The following ZSCAN23 variants were observed in gnomAD, a reference collection of about 807,000 sequenced individuals.
The protein encoded by ZSCAN23 is zinc finger and SCAN domain-containing protein 23.
ZSCAN23 carries 19 observed loss-of-function variants against 19.3 expected under a neutral mutation model. The ratio of observed to expected loss-of-function variants is 0.99; its 90% confidence interval spans 0.69 to 1.45. The LOEUF is 1.45. Ranked by LOEUF, ZSCAN23 falls within the 40% of genes most tolerant of loss-of-function variation. The pLI, the probability that ZSCAN23 is intolerant of heterozygous loss-of-function variation, is 0.00. For synonymous variants in ZSCAN23, 140 were observed against 166.2 expected, an observed-to-expected ratio of 0.84 and a Z score of 1.21; for missense variants, 372 against 462.5, an observed-to-expected ratio of 0.80 and a Z score of 1.79.
At chr6:28,428,122 TC>T (rs1761693332), downstream of ZSCAN23, among the ~76,000 whole-genome samples, 1 of 152,178 alleles carries the variant, frequency 6.6e-6, no homozygotes, top group Admixed American at 6.5e-5. Context: ...CTTATTCTCA[TC>T]CCATATTTAT....
intron 1 of ZSCAN23, among the ~76,000 whole-genome samples, chr6:28,437,100 T>C (rs750840880): frequency 5.9e-5 from 9 of 152,244 alleles, no homozygotes; most frequent in African/African-American, 9.6e-5. Flanking sequence ...TCTTATGTTA[T>C]TGTATGATTA....
In ZSCAN23 at chr6:28,435,451, G is replaced by C. The variant is rs1353344635; in HGVS notation, c.556+9C>G. On this transcript the variant is annotated intron_variant, in intron 3 of 3. Transcript: ENST00000289788. ...GAGGTAGGCTGTCTGAGGAAATCCT[G>C]ATCCTCACCAATCTCTTGAACTGGG... The C allele has an allele frequency of 5.2e-6, 8 of 1,550,038 alleles. No homozygotes were observed. Among genetic ancestry groups the C allele is most frequent in the Non-Finnish European group, 7.0e-6 (8 of 1,146,460 alleles).
rs1404591941 is a variant in ZSCAN23, at chr6:28,433,601, G to A, written c.*864C>T. ...ATCTTGGTGGTAATCAATAGTAAAT[G>A]CTGAGAAAATGTGGAGGTTATAAAA... On this transcript the variant is annotated 3_prime_UTR_variant, in exon 4 of 4. Coordinates refer to ENST00000289788, the MANE Select transcript of ZSCAN23 (RefSeq NM_001012455.2). 1.8e-4 allele frequency: 1 copy of A among 5,652 alleles called. No homozygotes were observed. Among genetic ancestry groups the A allele is most frequent in the African/African-American group, 2.3e-3 (1 of 442 alleles). The allele number at this position is 5,652 out of a possible 1,614,324, so 0.4% of individuals were successfully genotyped here. A position where few individuals can be genotyped will look rare whatever the true frequency, so the allele number is the denominator to read the frequency against.
chr6:28,442,093 T>C (rs1243253410), intron 1 of ZSCAN23, among the ~76,000 whole-genome samples: 5 of 152,002 alleles, frequency 3.3e-5, no homozygotes, highest in Non-Finnish European at 7.4e-5. Flanking sequence ...GTCAGGCTGG[T>C]CTCGAACTCC....
the ZSCAN23 span, among the ~76,000 whole-genome samples, chr6:28,423,289 G>A: frequency 6.6e-6 from 1 of 152,180 alleles, no homozygotes; most frequent in Admixed American, 6.5e-5. Context: ...CCAATAACAT[G>A]TTAGCCATTT....
chr6:28,436,397 A>G (rs1057426495), intron 1 of ZSCAN23, 54 bp from the exon 2 acceptor site: 1 of 962,050 alleles, frequency 1.0e-6, no homozygotes, highest in African/African-American at 1.7e-5. Flanking sequence ...ACCTCAGGAC[A>G]AGGAGGGACT....
In ZSCAN23 at chr6:28,434,330, G is replaced by T; in HGVS notation, c.*135C>A. 1 of 1,026,576 alleles carries T rather than the reference G, an allele frequency of 9.7e-7. No homozygotes were observed. Among genetic ancestry groups the T allele is most frequent in the Non-Finnish European group, 1.4e-6 (1 of 727,102 alleles). 63.6% of individuals were successfully genotyped at this position (1,026,576 alleles called of 1,614,324 possible). On this transcript the variant is annotated 3_prime_UTR_variant, in exon 4 of 4. Coordinates refer to ENST00000289788, the MANE Select transcript of ZSCAN23 (RefSeq NM_001012455.2). ...ATGTCACTGATCAGAGAACTCGGCA[G>T]ATGTATTTAAGATATTATGCTTCTC...
chr6:28,432,225 C>T (rs972090790), downstream of ZSCAN23, among the ~76,000 whole-genome samples: 1 of 152,046 alleles, frequency 6.6e-6, no homozygotes, highest in African/African-American at 2.4e-5. Context: ...ACTCAGAATA[C>T]TATAGAATAT....
At chr6:28,442,105 G>A (rs1428888853) in intron 1 of ZSCAN23, among the ~76,000 whole-genome samples, 1 of 151,900 alleles carries the variant, frequency 6.6e-6, no homozygotes, top group Non-Finnish European at 1.5e-5. Flanking sequence ...TCGAACTCCC[G>A]ACCTCACGTG....
chr6:28,427,325 C>T (rs1337759920), downstream of ZSCAN23, among the ~76,000 whole-genome samples: 1 of 152,190 alleles, frequency 6.6e-6, no homozygotes, highest in South Asian at 2.1e-4. Context: ...GTTTTTGTAG[C>T]GTTTAGCCTA....
chr6:28,435,147 AAG>A (rs1321423237), intron 3 of ZSCAN23, 69 bp from the exon 4 acceptor site: 1 of 1,448,190 alleles, frequency 6.9e-7, no homozygotes, highest in African/African-American at 1.4e-5. Flanking sequence ...CCAAAGACAA[AAG>A]AAAAAAAGTG....
rs1761825496 is a variant in ZSCAN23, at chr6:28,434,453, T to C, written c.*12A>G. On this transcript the variant is annotated 3_prime_UTR_variant, in exon 4 of 4. Coordinates refer to ENST00000289788, the MANE Select transcript of ZSCAN23 (RefSeq NM_001012455.2). ...AAAGTAAGAAATATTATCCCCTACC[T>C]GTTCCAAGGAGCTAGCTTGATTCAG... is the stretch of plus-strand genomic sequence containing the variant. The C allele has an allele frequency of 1.3e-6, 2 of 1,523,150 alleles. No individual in the cohort carries two copies. The highest frequency in any genetic ancestry group is 1.8e-6 in the Non-Finnish European group (2 of 1,130,682). The allele number at this position is 1,523,150 out of a possible 1,614,324, so 94.4% of individuals were successfully genotyped here. A position where few individuals can be genotyped will look rare whatever the true frequency, so the allele number is the denominator to read the frequency against.
chr6:28,426,769 T>G, the ZSCAN23 span, among the ~76,000 whole-genome samples: 3 of 152,218 alleles, frequency 2.0e-5, no homozygotes, highest in Non-Finnish European at 4.4e-5. Context: ...CCTGTATAAG[T>G]CAACTTCTCT....
intron 1 of ZSCAN23, among the ~76,000 whole-genome samples, chr6:28,441,600 G>C (rs1316516340): frequency 6.6e-6 from 1 of 151,866 alleles, no homozygotes; most frequent in East Asian, 1.9e-4. Flanking sequence ...TTCACCCTCA[G>C]TCACAATTTA....
At chr6:28,430,634 CAG>C (rs1241342911), downstream of ZSCAN23, among the ~76,000 whole-genome samples, 2 of 152,132 alleles carry the variant, frequency 1.3e-5, no homozygotes, top group Non-Finnish European at 2.9e-5. Context: ...TAGCAGAAGT[CAG>C]GGGTGATGAG....
intron 3 of ZSCAN23, 129 bp downstream of exon 3, chr6:28,435,331 G>A: frequency 7.8e-7 from 1 of 1,290,222 alleles, no homozygotes. Context: ...GACCACATCT[G>A]CCTTGTTTAT....
At chr6:28,436,545 T>C (rs573679052) in intron 1 of ZSCAN23, among the ~76,000 whole-genome samples, 1 of 152,260 alleles carries the variant, frequency 6.6e-6, no homozygotes, top group African/African-American at 2.4e-5. Context: ...TACAGTTTTC[T>C]GAAGGAAGGT....
At chr6:28,435,401 T>A in intron 3 of ZSCAN23, 59 bp downstream of exon 3, 1 of 1,526,838 alleles carries the variant, frequency 6.5e-7, no homozygotes, top group Non-Finnish European at 8.8e-7. Flanking sequence ...AATAAATGGG[T>A]TGAATTGATA....
At chr6:28,428,060 G>C (rs1222694208), downstream of ZSCAN23, among the ~76,000 whole-genome samples, 2 of 152,142 alleles carry the variant, frequency 1.3e-5, no homozygotes, top group African/African-American at 4.8e-5. Flanking sequence ...TGGGCAACAA[G>C]AGCAAAACTC....
Sources: gnomAD v4.1 joint callset for allele counts (sites outside exome capture counted in the v4.1 genomes callset) on GRCh38, gnomAD v4.1.1 for gene constraint, MANE v1.5 for transcripts, NCBI Gene and HGNC (gene_info 2026-07-23, HGNC 2026-07-21) for gene names.